The following CCDC3 variants were observed in gnomAD, a reference collection of about 807,000 sequenced individuals.
The protein encoded by CCDC3 is coiled-coil domain containing 3.
CCDC3 carries 24 observed loss-of-function variants against 21.4 expected under a neutral mutation model. The observed-to-expected ratio is 1.12, with a 90% confidence interval of 0.81 to 1.58. The LOEUF (loss-of-function observed/expected upper bound fraction) is 1.58, where lower values mean the gene tolerates loss of function less well. Ranked by LOEUF, CCDC3 falls within the 40% of genes most tolerant of loss-of-function variation. CCDC3 has a pLI of 0.00. For synonymous variants in CCDC3, 186 were observed against 166.0 expected, an observed-to-expected ratio of 1.12 and a Z score of -0.93; for missense variants, 425 against 360.9, an observed-to-expected ratio of 1.18 and a Z score of -1.44.
chr10:13,048,970 T>C (rs1247008571), intron 5 of CCDC3, among the ~76,000 whole-genome samples: 6 of 152,192 alleles, frequency 3.9e-5, no homozygotes, highest in Non-Finnish European at 7.3e-5. Context: ...ATAGTCATGA[T>C]GAAGATGAGC....
intron 2 of CCDC3, among the ~76,000 whole-genome samples, chr10:12,913,629 T>C (rs1834304033): frequency 6.6e-6 from 1 of 152,250 alleles, no homozygotes; most frequent in Non-Finnish European, 1.5e-5. Flanking sequence ...TGAATAGAAG[T>C]GGTAAGAGTG....
intron 4 of CCDC3, among the ~76,000 whole-genome samples, chr10:13,060,535 C>G (rs961634786): frequency 6.6e-6 from 1 of 152,178 alleles, no homozygotes; most frequent in Non-Finnish European, 1.5e-5. Context: ...GACAGGGTCT[C>G]ACTCTGTTGC....
At chr10:13,015,444 G>T (rs536304706) in intron 5 of CCDC3, among the ~76,000 whole-genome samples, 10 of 152,006 alleles carry the variant, frequency 6.6e-5, no homozygotes, top group Non-Finnish European at 1.3e-4. Flanking sequence ...TGGCATTGAC[G>T]ATGGGAGAGC....
intron 4 of CCDC3, among the ~76,000 whole-genome samples, chr10:13,060,084 A>G (rs1836736061): frequency 6.6e-6 from 1 of 152,192 alleles, no homozygotes; most frequent in Non-Finnish European, 1.5e-5. Context: ...CTCCATCTCA[A>G]AAACAAAAAC....
intron 4 of CCDC3, among the ~76,000 whole-genome samples, chr10:13,053,071 G>T (rs894169809): frequency 1.3e-5 from 2 of 151,632 alleles, no homozygotes; most frequent in Non-Finnish European, 2.9e-5. Context: ...GATACTTCTG[G>T]TCCCAAAAAG....
chr10:12,951,451 T>C (rs1835006730), intron 2 of CCDC3, among the ~76,000 whole-genome samples: 1 of 152,164 alleles, frequency 6.6e-6, no homozygotes, highest in Non-Finnish European at 1.5e-5. Flanking sequence ...GTGAAATCCA[T>C]CCGGGGGTCT....
intron 5 of CCDC3, among the ~76,000 whole-genome samples, chr10:13,011,216 G>T (rs545956392): frequency 7.9e-4 from 119 of 151,564 alleles, no homozygotes; most frequent in Non-Finnish European, 1.6e-3. Flanking sequence ...GACAAAGGCG[G>T]CATCGAAATA....
chr10:13,098,819 C>A lies in CCDC3; in HGVS notation c.-580-217G>T, dbSNP rs554253132. 9.7e-5 allele frequency among the ~76,000 whole-genome samples: 14 copies of A among 143,832 alleles called. No individual in the cohort carries two copies. In the Admixed American group the frequency reaches 1.0e-3, roughly 11 times the overall value. The allele number at this position is 143,832 out of a possible 152,430, so 94.4% of individuals were successfully genotyped here. On this transcript the variant is annotated intron_variant, in intron 2 of 6. Transcript: ENST00000378839. ...GCAAGCTCTGCCTCCCGGGTTCAAG[C>A]GATTCTTCTGCCTTAGCCTCCCGAG... is the stretch of plus-strand genomic sequence containing the variant.
intron 2 of CCDC3, among the ~76,000 whole-genome samples, chr10:12,970,212 T>A (rs149473037): frequency 1.9e-3 from 287 of 152,204 alleles, no homozygotes; most frequent in Non-Finnish European, 3.1e-3. Flanking sequence ...AGACGCAAAA[T>A]TTCAGTTACA....
intron 4 of CCDC3, among the ~76,000 whole-genome samples, chr10:13,064,006 C>T (rs186756417): frequency 6.6e-6 from 1 of 152,264 alleles, no homozygotes; most frequent in East Asian, 1.9e-4. Context: ...CGGCTCACTG[C>T]AACCTCCGCC....
chr10:13,046,751 G>A (rs1168763500), intron 5 of CCDC3, among the ~76,000 whole-genome samples: 2 of 151,648 alleles, frequency 1.3e-5, no homozygotes, highest in Non-Finnish European at 1.5e-5. Flanking sequence ...GACAAGAATG[G>A]AAGCAATTTT....
upstream of CCDC3, among the ~76,000 whole-genome samples, chr10:13,002,898 C>G (rs1226930728): frequency 6.6e-6 from 1 of 152,202 alleles, no homozygotes; most frequent in African/African-American, 2.4e-5. Context: ...GGCCTTCTCT[C>G]TGTGTGTGAT....
chr10:13,052,938 TCACACACACACA>T (rs56261341), intron 4 of CCDC3, among the ~76,000 whole-genome samples: 1,492 of 134,418 alleles, frequency 0.011, 24 homozygotes, highest in African/African-American at 0.032. Context: ...TGAGACTCTG[TCACACACACACA>T]CACACACACA....
At chr10:13,054,604 G>A (rs188921382) in intron 4 of CCDC3, among the ~76,000 whole-genome samples, 4 of 152,168 alleles carry the variant, frequency 2.6e-5, no homozygotes, top group East Asian at 3.9e-4. Context: ...TCATTATGCC[G>A]AGGGGAAAAG....
chr10:13,084,581 C>T (rs1467409408), intron 3 of CCDC3, among the ~76,000 whole-genome samples: 1 of 152,204 alleles, frequency 6.6e-6, no homozygotes, highest in Non-Finnish European at 1.5e-5. Context: ...GCCACCGCGC[C>T]CGGCCCCACT....
intron 2 of CCDC3, among the ~76,000 whole-genome samples, chr10:12,914,369 T>C (rs1176599372): frequency 6.6e-6 from 1 of 152,194 alleles, no homozygotes; most frequent in Non-Finnish European, 1.5e-5. Context: ...GGCATATGAT[T>C]GTCTGTGGTA....
intron 4 of CCDC3, among the ~76,000 whole-genome samples, chr10:13,072,235 T>C (rs565952611): frequency 3.5e-4 from 54 of 152,270 alleles, no homozygotes; most frequent in Admixed American, 6.5e-4. Flanking sequence ...AACCAGAGCC[T>C]CGGACGATGG....
chr10:13,070,990 A>G (rs1032366322), intron 4 of CCDC3, among the ~76,000 whole-genome samples: 3 of 152,200 alleles, frequency 2.0e-5, no homozygotes, highest in Non-Finnish European at 4.4e-5. Context: ...AGCTCAGAAA[A>G]AAACAAAAGG....
chr10:13,051,061 G>A (rs1039470056), intron 4 of CCDC3, among the ~76,000 whole-genome samples: 3 of 152,178 alleles, frequency 2.0e-5, no homozygotes, highest in Non-Finnish European at 4.4e-5. Flanking sequence ...AAAGTGTTGG[G>A]ATCATAGGTG....
Sources: gnomAD v4.1 joint callset for allele counts (sites outside exome capture counted in the v4.1 genomes callset) on GRCh38, gnomAD v4.1.1 for gene constraint, MANE v1.5 for transcripts, NCBI Gene and HGNC (gene_info 2026-07-23, HGNC 2026-07-21) for gene names.